Variants in BBS2 observed in about 807,000 individuals in gnomAD.
The protein encoded by BBS2 is Bardet-Biedl syndrome 2, also known as BBSome complex member BBS2.
BBS2 carries 62 observed loss-of-function variants against 83.0 expected under a neutral mutation model. The ratio of observed to expected loss-of-function variants is 0.75; its 90% CI spans 0.61 to 0.92. BBS2 has a LOEUF of 0.92. Among genes scored for constraint, BBS2 ranks in the 40% least tolerant of loss-of-function variants. The pLI is 0.00. For synonymous variants in BBS2, 303 were observed against 326.1 expected, an observed-to-expected ratio of 0.93 and a Z score of 0.76; for missense variants, 784 against 901.0, an observed-to-expected ratio of 0.87 and a Z score of 1.66.
At chr16:56,519,475 C>T (rs2078742992) in intron 1 of BBS2, 3 of 468,198 alleles carry the variant, frequency 6.4e-6, no homozygotes, top group African/African-American at 4.0e-5. Flanking sequence ...CCTCAGGAGA[C>T]GTCTCTTTTC....
intron 7 of BBS2, among the ~76,000 whole-genome samples, chr16:56,503,300 G>C (rs1234460004): frequency 1.3e-5 from 2 of 152,192 alleles, no homozygotes; most frequent in Non-Finnish European, 2.9e-5. Context: ...GCCTAATGAA[G>C]TTAACATATA....
chr16:56,509,975 T>C lies in BBS2; in HGVS notation c.594A>G (p.Ala198=). 6.2e-7 allele frequency: 1 copy of C among 1,614,160 alleles called. No homozygotes were observed. Among genetic ancestry groups the C allele is most frequent in the Non-Finnish European group, 8.5e-7 (1 of 1,180,002 alleles). ...TTCTTACCTCTGTTTCTGTCATTTCTGCCACAATCTCATCTTCCTTAAAAA... is the reference window on the plus strand; with the variant it reads ...TTCTTACCTCTGTTTCTGTCATTTCCGCCACAATCTCATCTTCCTTAAAAA... ...IRVFKEDEIV[A]EMTETEIVTS... is the part of the protein sequence containing the mutation. Residue 198 remains alanine, a synonymous_variant, in exon 5 of 17, where the codon GCA becomes GCG. Transcript: ENST00000245157.
At chr16:56,483,847 C>A (rs1252474384), downstream of BBS2, among the ~76,000 whole-genome samples, 1 of 150,652 alleles carries the variant, frequency 6.6e-6, no homozygotes, top group Non-Finnish European at 1.5e-5. Flanking sequence ...TTGTAGGTGT[C>A]CACCACCAAA....
At chr16:56,509,834 C>T (rs2144176437) in intron 5 of BBS2, 123 bp downstream of exon 5, 1 of 936,124 alleles carries the variant, frequency 1.1e-6, no homozygotes, top group South Asian at 1.3e-5. Context: ...GACCCCCTCC[C>T]CAAGCTTTTA....
intron 15 of BBS2, among the ~76,000 whole-genome samples, chr16:56,490,125 C>T (rs1963903002): frequency 7.9e-6 from 1 of 126,986 alleles, no homozygotes; most frequent in South Asian, 2.7e-4. Flanking sequence ...CACACACACA[C>T]ACGCACACAC....
chr16:56,519,239 G>C (rs1300885589), intron 1 of BBS2, among the ~76,000 whole-genome samples: 2 of 151,034 alleles, frequency 1.3e-5, no homozygotes, highest in Admixed American at 1.3e-4. Flanking sequence ...GCTGAGGCAG[G>C]AGAATTGCAG....
downstream of BBS2, among the ~76,000 whole-genome samples, chr16:56,480,366 C>CAAAAAAAAAAAAAAAAAAA (rs1157907841): frequency 1.1e-5 from 1 of 90,228 alleles, no homozygotes; most frequent in Non-Finnish European, 2.3e-5. Flanking sequence ...AAAAAAAAAA[C>CAAAAAAAAAAAAAAAAAAA]AAAAAAAAAA....
At chr16:56,502,869 TA>T in intron 7 of BBS2, 61 bp from the exon 8 acceptor site, 1 of 1,584,368 alleles carries the variant, frequency 6.3e-7, no homozygotes, top group Non-Finnish European at 8.6e-7. Context: ...CCACAAAATT[TA>T]AAAATAAAAA....
At chr16:56,512,543 C>T (rs556903791) in intron 2 of BBS2, among the ~76,000 whole-genome samples, 31 of 152,158 alleles carry the variant, frequency 2.0e-4, no homozygotes, top group African/African-American at 7.0e-4. Flanking sequence ...TTAGCAACAA[C>T]AACAAAAGAC....
At chr16:56,515,844 T>G (rs1035326656) in intron 1 of BBS2, among the ~76,000 whole-genome samples, 33 of 152,230 alleles carry the variant, frequency 2.2e-4, no homozygotes, top group African/African-American at 7.7e-4. Context: ...CCATATGAGG[T>G]CGGAAGAGTT....
intron 11 of BBS2, chr16:56,500,624 CAAAA>C (rs1304358431): frequency 3.8e-3 from 1,106 of 291,786 alleles, no homozygotes; most frequent in Middle Eastern, 4.9e-3. Context: ...GAATCTGTCT[CAAAA>C]AAAAAAAAAA....
chr16:56,501,426 G>A lies in BBS2; in HGVS notation c.1152C>T (p.His384=), dbSNP rs774493134. Residue 384 remains histidine (H), a synonymous_variant, in exon 10 of 17, where the codon CAC becomes CAT. Coordinates refer to ENST00000245157, the MANE Select transcript of BBS2 (RefSeq NM_031885.5). ...TCCCCAGGCTGACTGAGAGCGTGGT[G>A]TGGAGCCTGGTATTGGCTGGGATTA... The part of the protein sequence containing the change: ...RGIIPANTRL[H]TTLSVSLGNE... 27 of 1,614,066 alleles carry A rather than the reference G, an allele frequency of 1.7e-5. No homozygotes were observed. In the African/African-American group the frequency reaches 2.3e-4, roughly 14 times the overall value.
At chr16:56,512,298 G>T (rs1024618707) in intron 2 of BBS2, among the ~76,000 whole-genome samples, 1 of 152,128 alleles carries the variant, frequency 6.6e-6, no homozygotes, top group Admixed American at 6.5e-5. Context: ...GTGTCATAAA[G>T]TTCTTATAAA....
intron 2 of BBS2, among the ~76,000 whole-genome samples, chr16:56,513,690 G>A (rs117806879): frequency 1.6e-3 from 242 of 152,244 alleles, no homozygotes; most frequent in Non-Finnish European, 2.8e-3. Context: ...AAGGTTAGGA[G>A]GTTAAAGAAA....
chr16:56,490,831 A>G (rs1380844814), intron 15 of BBS2, among the ~76,000 whole-genome samples: 1 of 150,922 alleles, frequency 6.6e-6, no homozygotes, highest in Non-Finnish European at 1.5e-5. Flanking sequence ...GTGCGATCTC[A>G]GCTCACTGCA....
At position 56,514,695 on chromosome 16, in the gene BBS2, A is replaced by G. The variant is rs767696418; in HGVS notation, c.118-15T>C. On this transcript the variant is annotated splice_polypyrimidine_tract_variant and intron_variant, in intron 1 of 16. Coordinates refer to ENST00000245157, the MANE Select transcript of BBS2 (RefSeq NM_031885.5). Reference sequence around the variant, plus strand: ...TGAATAAAAACCTGAAACAAAAATAACTAATTACATTCCCTTAAAATATAA... The same window carrying G: ...TGAATAAAAACCTGAAACAAAAATAGCTAATTACATTCCCTTAAAATATAA... 2.5e-6 allele frequency: 4 copies of G among 1,571,722 alleles called. No individual in the cohort carries two copies. The Admixed American group carries it at 6.7e-5, about 26-fold the overall frequency.
In BBS2 at chr16:56,519,821, G is replaced by A. The variant is rs764339260; in HGVS notation, c.42C>T (p.Ile14=). ...GCCCTATGGCCACCATTCGGGGGCT[G>A]ATTTTGTGGCGCAGTTTCAGGGTGA... is the stretch of plus-strand genomic sequence containing the variant. The part of the protein sequence containing the change: ...PVFTLKLRHK[I]SPRMVAIGRY... Residue 14 remains isoleucine, a synonymous_variant, in exon 1 of 17, where the codon ATC becomes ATT. Transcript: ENST00000245157. 3 of 1,613,768 alleles carry A rather than the reference G, an allele frequency of 1.9e-6. No individual in the cohort carries two copies. Among genetic ancestry groups the A allele is most frequent in the South Asian group, 2.2e-5 (2 of 91,080 alleles).
At chr16:56,500,503 G>A in intron 11 of BBS2, 1 of 279,534 alleles carries the variant, frequency 3.6e-6, no homozygotes, top group East Asian at 9.6e-5. Context: ...GTGGGCACCT[G>A]TGGTCCCAGT....
intron 4 of BBS2, 42 bp from the exon 5 acceptor site, chr16:56,510,076 A>G: frequency 6.3e-7 from 1 of 1,592,808 alleles, no homozygotes; most frequent in Non-Finnish European, 8.6e-7. Flanking sequence ...AGTAAGTGCA[A>G]ACAACAAAAT....
Sources: allele counts gnomAD v4.1 joint callset (sites outside exome capture counted in the v4.1 genomes callset), GRCh38; gene constraint gnomAD v4.1.1; transcripts MANE v1.5; gene names NCBI Gene and HGNC (gene_info 2026-07-23, HGNC 2026-07-21).